Variants in TEX29 observed in about 807,000 individuals in gnomAD.
The protein encoded by TEX29 is testis expressed 29.
Under a neutral mutation model 18.2 loss-of-function variants are expected in TEX29, and 26 were observed. The observed-to-expected ratio is 1.43, with a 90% CI of 1.04 to 1.98. TEX29 has a LOEUF of 1.98. TEX29 is among the 30% of genes most tolerant of loss of function. TEX29 has a pLI of 0.00. For missense variants in TEX29, 177 were observed against 194.2 expected (o/e 0.91, Z 0.53); for synonymous variants, 83 against 78.5 (o/e 1.06, Z -0.31).
At chr13:111,323,277 C>G (rs2093667675) in intron 2 of TEX29, among the ~76,000 whole-genome samples, 1 of 152,224 alleles carries the variant, frequency 6.6e-6, no homozygotes, top group Non-Finnish European at 1.5e-5. Context: ...TCACATGGCC[C>G]TGGATGGCGG....
Position 111,344,213 on chromosome 13 carries a change from C to T in TEX29, c.*90C>T. ...TGTTAACAGTGTGATGGAATGACCA[C>T]CCAAAGAGAAAAAAATAAAGGTATT... On this transcript the variant is annotated 3_prime_UTR_variant, in exon 6 of 6. Transcript: ENST00000283547. The T allele has an allele frequency of 1.9e-6, 2 of 1,058,666 alleles. No homozygotes were observed. The highest frequency in any genetic ancestry group is 2.8e-6 in the Non-Finnish European group (2 of 706,006). 65.6% of individuals were successfully genotyped at this position (1,058,666 alleles called of 1,614,324 possible).
upstream of TEX29, among the ~76,000 whole-genome samples, chr13:111,318,479 C>T (rs533320157): frequency 2.1e-4 from 32 of 152,330 alleles, no homozygotes; most frequent in African/African-American, 7.2e-4. Flanking sequence ...TCTTCCACGG[C>T]GTGGCCTCTC....
At chr13:111,320,816 T>C in intron 1 of TEX29, 41 bp from the exon 2 acceptor site, 1 of 1,597,758 alleles carries the variant, frequency 6.3e-7, no homozygotes, top group South Asian at 1.1e-5. Context: ...CCAAACGACG[T>C]CCCCAGGGCC....
intron 3 of TEX29, chr13:111,339,584 C>T (rs1238279152): frequency 7.3e-6 from 4 of 546,314 alleles, no homozygotes; most frequent in South Asian, 6.0e-5. Context: ...TCCATGCACT[C>T]CCGGGGGTCA....
intron 2 of TEX29, among the ~76,000 whole-genome samples, chr13:111,325,999 C>T (rs540261422): frequency 6.6e-6 from 1 of 152,366 alleles, no homozygotes; most frequent in East Asian, 1.9e-4. Context: ...GGGGCTTCTC[C>T]TCCCGTGTCT....
upstream of TEX29, among the ~76,000 whole-genome samples, chr13:111,319,134 A>G (rs1439707445): frequency 6.6e-6 from 1 of 152,114 alleles, no homozygotes; most frequent in Non-Finnish European, 1.5e-5. Context: ...CATCATCTTG[A>G]GGGTTGGGAT....
At chr13:111,327,321 G>C (rs1325369237) in intron 2 of TEX29, among the ~76,000 whole-genome samples, 1 of 152,200 alleles carries the variant, frequency 6.6e-6, no homozygotes, top group Admixed American at 6.5e-5. Flanking sequence ...CAACCCTAAG[G>C]AACACAAATG....
upstream of TEX29, among the ~76,000 whole-genome samples, chr13:111,317,965 C>T (rs2093657369): frequency 1.3e-5 from 2 of 152,342 alleles, no homozygotes; most frequent in South Asian, 4.1e-4. Flanking sequence ...ACGCTTACAA[C>T]CTCAGCTCGA....
intron 3 of TEX29, among the ~76,000 whole-genome samples, chr13:111,337,878 T>C (rs769268435): frequency 2.6e-5 from 4 of 152,148 alleles, no homozygotes; most frequent in Non-Finnish European, 5.9e-5. Context: ...GGAACTCTTA[T>C]CGAGCGCCCA....
intron 4 of TEX29, among the ~76,000 whole-genome samples, chr13:111,340,157 C>G (rs868391295): frequency 6.7e-6 from 1 of 148,986 alleles, no homozygotes; most frequent in Non-Finnish European, 1.5e-5. Flanking sequence ...TTAGTGAGCA[C>G]CTGTGCTTGT....
chr13:111,322,782 G>A (rs933068582), intron 2 of TEX29, among the ~76,000 whole-genome samples: 2 of 152,232 alleles, frequency 1.3e-5, no homozygotes, highest in African/African-American at 4.8e-5. Context: ...TGGCGTGGCT[G>A]TTTTGCAACT....
chr13:111,328,955 C>T (rs146613820), intron 3 of TEX29, among the ~76,000 whole-genome samples: 3 of 152,276 alleles, frequency 2.0e-5, no homozygotes, highest in African/African-American at 4.8e-5. Context: ...AAAATGTGTT[C>T]GAAGGGAGGT....
chr13:111,322,883 G>A (rs547850446), intron 2 of TEX29, among the ~76,000 whole-genome samples: 15 of 152,272 alleles, frequency 9.9e-5, no homozygotes, highest in Admixed American at 5.9e-4. Context: ...CAGCACCACC[G>A]GTGGCCTCAG....
At chr13:111,321,044 G>T (rs2093663709) in intron 2 of TEX29, 96 bp downstream of exon 2, 1 of 1,396,580 alleles carries the variant, frequency 7.2e-7, no homozygotes, top group African/African-American at 1.4e-5. Context: ...GCGGACAGGG[G>T]GTCCTGGTCC....
chr13:111,336,597 C>T lies in TEX29; in HGVS notation c.170-3266C>T, dbSNP rs567565394. On this transcript the variant is annotated intron_variant, in intron 3 of 5. Transcript: ENST00000283547. ...TCTTGATTTAGGGTATGTTATTTAA[C>T]ATGTCATTTCTTCCAAGTATCTGAC... Among the ~76,000 whole-genome samples, 28 of 152,340 alleles carry T rather than the reference C, an allele frequency of 1.8e-4. No individual in the cohort carries two copies. In the South Asian group the frequency reaches 5.4e-3, roughly 29 times the overall value.
intron 3 of TEX29, among the ~76,000 whole-genome samples, chr13:111,336,002 T>C (rs772879243): frequency 1.3e-5 from 2 of 152,248 alleles, no homozygotes; most frequent in Non-Finnish European, 2.9e-5. Flanking sequence ...CGCATGCCTG[T>C]CATCCATTTT....
chr13:111,317,826 G>T (rs866766176), upstream of TEX29, among the ~76,000 whole-genome samples: 1 of 152,116 alleles, frequency 6.6e-6, no homozygotes, highest in Non-Finnish European at 1.5e-5. Flanking sequence ...CAGGCGCCTT[G>T]CTCCTTCTTC....
upstream of TEX29, among the ~76,000 whole-genome samples, chr13:111,317,519 G>C (rs1334136911): frequency 6.6e-6 from 1 of 152,152 alleles, no homozygotes. Flanking sequence ...GTGCTCCTCC[G>C]GCCTTCGTGT....
upstream of TEX29, among the ~76,000 whole-genome samples, chr13:111,318,925 G>GT (rs2093659128): frequency 6.6e-6 from 1 of 152,358 alleles, no homozygotes; most frequent in East Asian, 1.9e-4. Flanking sequence ...GGGGCTGGAA[G>GT]TTCTAGATGG....
Sources: allele counts gnomAD v4.1 joint callset (sites outside exome capture counted in the v4.1 genomes callset), GRCh38; gene constraint gnomAD v4.1.1; transcripts MANE v1.5; gene names NCBI Gene and HGNC (gene_info 2026-07-23, HGNC 2026-07-21).